Variants in SLC25A38 observed in about 807,000 individuals in gnomAD.
SLC25A38 encodes solute carrier family 25 member 38.
Under a neutral mutation model 33.4 loss-of-function variants are expected in SLC25A38, and 27 were observed. The observed-to-expected ratio is 0.81, with a 90% CI of 0.60 to 1.11. SLC25A38 has a LOEUF of 1.11. Among genes scored for constraint, SLC25A38 ranks in the 50% most tolerant of loss-of-function variants. SLC25A38 has a pLI of 0.00. For synonymous variants in SLC25A38, 123 were observed against 145.9 expected (o/e 0.84, Z 1.13); for missense variants, 344 against 388.8 (o/e 0.88, Z 0.97).
intron 1 of SLC25A38, among the ~76,000 whole-genome samples, chr3:39,385,808 G>T (rs576472313): frequency 6.6e-6 from 1 of 152,238 alleles, no homozygotes; most frequent in African/African-American, 2.4e-5. Context: ...GACAGGTGTT[G>T]CTGTAGAAGC....
intron 5 of SLC25A38, among the ~76,000 whole-genome samples, chr3:39,392,446 A>G (rs2041782760): frequency 6.6e-6 from 1 of 152,110 alleles, no homozygotes; most frequent in African/African-American, 2.4e-5. Context: ...TCAGGGAAAC[A>G]GTAGTAAGTT....
Position 39,383,544 on chromosome 3 carries a change from A to T in SLC25A38, c.-181A>T. 4.6e-6 allele frequency: 3 copies of T among 648,852 alleles called. No homozygotes were observed. The highest frequency in any genetic ancestry group is 8.2e-6 in the Non-Finnish European group (3 of 364,248). The allele number at this position is 648,852 out of a possible 1,614,324, so 40.2% of individuals were successfully genotyped here. On this transcript the variant is annotated 5_prime_UTR_variant, in exon 1 of 7. Transcript: ENST00000650617. ...ATTGTTCCGCGCCCGCAGCCCCTGG[A>T]CTAGCAGGATCCGAACCCCGGCGGC...
chr3:39,385,538 C>T (rs1446204598), intron 1 of SLC25A38, among the ~76,000 whole-genome samples: 1 of 152,128 alleles, frequency 6.6e-6, no homozygotes, highest in African/African-American at 2.4e-5. Flanking sequence ...CTTGCTGGAG[C>T]AAGGGGCCTG....
In SLC25A38 at chr3:39,389,573, C is replaced by A; in HGVS notation, c.148C>A (p.Leu50Ile). 1 of 1,614,158 alleles carries A rather than the reference C, an allele frequency of 6.2e-7. No homozygotes were observed. The highest frequency in any genetic ancestry group is 1.1e-5 in the South Asian group (1 of 91,078). The change falls in exon 2 of 7, where the codon CTC becomes ATC. Residue 50 changes from leucine to isoleucine, a missense_variant. This residue lies in a region of SLC25A38 where 269 missense variants were observed against 271.8 expected (regional missense o/e 0.99). Coordinates refer to ENST00000650617, the MANE Select transcript of SLC25A38 (RefSeq NM_017875.4). This position sits in a 1 kb window ranked among gnomAD's most constrained non-coding sequence, Gnocchi z 4.5. ...TACCCTCCTTTTCCAACCTCTGGAT[C>A]TCCTTAAAACACGCCTGCAAACCCT... ...CSTLLFQPLD[L>I]LKTRLQTLQP...
chr3:39,395,217 G>A (rs1207388672), intron 6 of SLC25A38, among the ~76,000 whole-genome samples: 2 of 152,136 alleles, frequency 1.3e-5, no homozygotes, highest in Admixed American at 6.5e-5. Flanking sequence ...TGCAGCCTGC[G>A]GGCTGTGGGT....
rs921707825 is a variant in SLC25A38, at chr3:39,396,766, A to G, written c.*246A>G. ...CTAGGGTGTTAGGAGAGAGCTTTGC[A>G]TACTCTGAGAGGCTACTTGGAAAGG... On this transcript the variant is annotated 3_prime_UTR_variant, in exon 7 of 7. Coordinates refer to ENST00000650617, the MANE Select transcript of SLC25A38 (RefSeq NM_017875.4). 2.6e-5 allele frequency: 15 copies of G among 567,742 alleles called. No homozygotes were observed. Among genetic ancestry groups the G allele is most frequent in the African/African-American group, 2.6e-4 (14 of 53,194 alleles). 35.2% of individuals were successfully genotyped at this position (567,742 alleles called of 1,614,324 possible). A position where few individuals can be genotyped will look rare whatever the true frequency, so the allele number is the denominator to read the frequency against.
chr3:39,384,712 A>G (rs897844886), intron 1 of SLC25A38: 5 of 397,348 alleles, frequency 1.3e-5, no homozygotes, highest in Non-Finnish European at 2.2e-5. Context: ...TCGTGTGCGT[A>G]TTATTGTTTA....
chr3:39,392,185 T>C (rs2041778817), intron 5 of SLC25A38, among the ~76,000 whole-genome samples, 164 bp downstream of exon 5: 1 of 151,276 alleles, frequency 6.6e-6, no homozygotes, highest in South Asian at 2.1e-4. Context: ...TATGACAAAC[T>C]TGATCCCTGC....
chr3:39,393,426 C>G (rs528556580), intron 5 of SLC25A38, among the ~76,000 whole-genome samples: 3 of 152,326 alleles, frequency 2.0e-5, no homozygotes, highest in South Asian at 4.1e-4. Flanking sequence ...TTAAGTACCT[C>G]AGTGTCTATT....
chr3:39,395,594 G>A (rs2041818877), intron 6 of SLC25A38, among the ~76,000 whole-genome samples: 4 of 151,706 alleles, frequency 2.6e-5, no homozygotes, highest in African/African-American at 9.7e-5. Flanking sequence ...ATGTGAAATC[G>A]CAAATCAACC....
chr3:39,397,068 G>A lies in SLC25A38; in HGVS notation c.*548G>A, dbSNP rs531997173. 9 of 178,538 alleles carry A rather than the reference G, an allele frequency of 5.0e-5. No homozygotes were observed. The South Asian group carries it at 7.6e-4, about 15-fold the overall frequency. 11.1% of individuals were successfully genotyped at this position (178,538 alleles called of 1,614,324 possible). A position where few individuals can be genotyped will look rare whatever the true frequency, so the allele number is the denominator to read the frequency against. On this transcript the variant is annotated 3_prime_UTR_variant, in exon 7 of 7. Transcript: ENST00000650617. ...TAACTTCTCAGAGGCTCTGGAGAAC[G>A]GGACAGTGGCTTTCTAGCCTCTGAA...
intron 4 of SLC25A38, 57 bp downstream of exon 4, chr3:39,391,677 G>C (rs2041770278): frequency 1.9e-6 from 3 of 1,611,944 alleles, no homozygotes; most frequent in Admixed American, 3.3e-5. Flanking sequence ...TGGGCTCCTG[G>C]GGAGTGACCA....
At chr3:39,386,088 A>T (rs952319639) in intron 1 of SLC25A38, among the ~76,000 whole-genome samples, 3 of 152,202 alleles carry the variant, frequency 2.0e-5, no homozygotes, top group East Asian at 1.9e-4. Flanking sequence ...TGGGTTTTTT[A>T]AAATTATAAT....
rs2041677075 is a variant in SLC25A38, at chr3:39,383,920, G to C, written c.69+127G>C. ...AGGGTGCGCTCAGGATTTAGGATGC[G>C]GCGGGAGAGGAGTCTGACTAAGGGA... On this transcript the variant is annotated intron_variant, in intron 1 of 6. Transcript: ENST00000650617. 8 of 1,046,230 alleles carry C rather than the reference G, an allele frequency of 7.6e-6. No individual in the cohort carries two copies. The South Asian group carries it at 1.1e-4, about 14-fold the overall frequency. 64.8% of individuals were successfully genotyped at this position (1,046,230 alleles called of 1,614,324 possible).
chr3:39,393,041 T>C (rs1053452165), intron 5 of SLC25A38, among the ~76,000 whole-genome samples: 1 of 152,218 alleles, frequency 6.6e-6, no homozygotes, highest in African/African-American at 2.4e-5. Context: ...TCTCAGCACT[T>C]TGGGAGGCCG....
chr3:39,390,300 T>C, intron 2 of SLC25A38, 123 bp from the exon 3 acceptor site: 1 of 954,924 alleles, frequency 1.0e-6, no homozygotes, highest in Non-Finnish European at 1.7e-6. Context: ...CAAGGTGCAT[T>C]GTAGAGATTG....
At position 39,391,860 on chromosome 3, in the gene SLC25A38, A is replaced by G. The variant is rs373064403; in HGVS notation, c.464A>G (p.Lys155Arg). Residue 155 changes from lysine to arginine, a missense_variant, in exon 5 of 7, where the codon AAA (lysine) becomes AGA (arginine). By Grantham distance (26) the Lys-to-Arg change is conservative. Around this residue, in one of 2 missense-constraint regions of SLC25A38, gnomAD observed 269 missense variants for 271.8 expected, o/e 0.99. Transcript: ENST00000650617. The part of the protein sequence containing the change: ...TVIKTRYESG[K>R]YGYESIYAAL... ...TCTGTGCTCTCTTTGCAGAGTGGGA[A>G]ATATGGCTATGAGAGTATCTACGCT... 3.7e-6 allele frequency: 6 copies of G among 1,613,284 alleles called. No individual in the cohort carries two copies. The highest frequency in any genetic ancestry group is 1.3e-5 in the African/African-American group (1 of 74,898).
At chr3:39,391,302 T>C in intron 3 of SLC25A38, 139 bp from the exon 4 acceptor site, 1 of 1,156,284 alleles carries the variant, frequency 8.6e-7, no homozygotes, top group Non-Finnish European at 1.3e-6. Context: ...GTCCCCCACT[T>C]CCCTATTGGT....
At chr3:39,386,428 G>C (rs2125575084) in intron 1 of SLC25A38, among the ~76,000 whole-genome samples, 1 of 152,228 alleles carries the variant, frequency 6.6e-6, no homozygotes, top group East Asian at 1.9e-4. Flanking sequence ...AAAAAAATTA[G>C]CTGGGCACGG....
Sources: gnomAD v4.1 joint callset for allele counts (sites outside exome capture counted in the v4.1 genomes callset) on GRCh38, gnomAD v4.1.1 for gene constraint, gnomAD v4.1.1 regional missense constraint, Gnocchi (gnomAD v3.1) non-coding constraint, MANE v1.5 for transcripts, NCBI Gene and HGNC (gene_info 2026-07-23, HGNC 2026-07-21) for gene names.